GNAS-AS1: variants seen among roughly 807,000 people sequenced by gnomAD.
The protein encoded by GNAS-AS1 is GNAS antisense RNA 1, also known as GNAS antisense RNA 1 (non-protein coding).
chr20:58,842,224 G>A (rs1356420400), exon 4 of GNAS-AS1: 2 of 398,418 alleles, frequency 5.0e-6, no homozygotes, highest in African/African-American at 2.1e-5. Context: ...GTCCTGGGGG[G>A]AAAGACTGAT....
At position 58,841,019 on chromosome 20, in the gene GNAS-AS1, G is replaced by A. The variant is rs2085698652; in HGVS notation, n.819+918C>T. 2.9e-6 allele frequency: 3 copies of A among 1,049,034 alleles called. No homozygotes were observed. Among genetic ancestry groups the A allele is most frequent in the Admixed American group, 4.4e-5 (2 of 45,310 alleles). 65.0% of individuals were successfully genotyped at this position (1,049,034 alleles called of 1,614,324 possible). A position where few individuals can be genotyped will look rare whatever the true frequency, so the allele number is the denominator to read the frequency against. On this transcript the variant is annotated intron_variant and non_coding_transcript_variant, in intron 4 of 4. Transcript: ENST00000424094. The surrounding 1 kb of genome is among the most constrained non-coding windows in gnomAD (Gnocchi z 5.0). The stretch of plus-strand genomic sequence containing the variant: ...AGGCTCAGCTGGTCAGCCTGGGATC[G>A]GGGGTCAGGGTGAGGCGGCGAGGGC...
chr20:58,837,577 G>A (rs1006290196), intron 4 of GNAS-AS1, among the ~76,000 whole-genome samples: 1 of 152,226 alleles, frequency 6.6e-6, no homozygotes, highest in African/African-American at 2.4e-5. Context: ...CGAGTAGCTG[G>A]AACTACAAGC....
At chr20:58,843,996 C>T (rs982459863) in intron 2 of GNAS-AS1, 3 of 152,208 alleles carry the variant, frequency 2.0e-5, no homozygotes, top group Admixed American at 2.0e-4. Context: ...GAGTTGCTTA[C>T]AGCCTTTAAC....
intron 2 of GNAS-AS1, among the ~76,000 whole-genome samples, chr20:58,845,406 A>G (rs76533362): frequency 6.6e-6 from 1 of 152,148 alleles, no homozygotes; most frequent in African/African-American, 2.4e-5. Context: ...TACCATGGAC[A>G]TACAGCTAGA....
chr20:58,823,196 A>G (rs1410907580), intron 4 of GNAS-AS1, among the ~76,000 whole-genome samples: 1 of 152,212 alleles, frequency 6.6e-6, no homozygotes, highest in Non-Finnish European at 1.5e-5. Flanking sequence ...ACATTTAAAA[A>G]TATCTGTCCA....
intron 4 of GNAS-AS1, among the ~76,000 whole-genome samples, chr20:58,837,592 G>A (rs74332546): frequency 0.016 from 2,500 of 152,312 alleles, 34 homozygotes; most frequent in Non-Finnish European, 0.026. Context: ...ACAAGCGTGC[G>A]TCAACACGCC....
chr20:58,825,824 C>G (rs1287943465), intron 4 of GNAS-AS1, among the ~76,000 whole-genome samples: 1 of 152,156 alleles, frequency 6.6e-6, no homozygotes, highest in Non-Finnish European at 1.5e-5. Context: ...GTGGGGCATC[C>G]TAGCCCTGCT....
chr20:58,849,361 C>T (rs183549535), intron 1 of GNAS-AS1, among the ~76,000 whole-genome samples: 2 of 152,296 alleles, frequency 1.3e-5, no homozygotes, highest in Admixed American at 6.5e-5. Context: ...CCTGGACTGT[C>T]TCCCTTTTTC....
rs772141516 is a variant in GNAS-AS1 at position 58,840,737 on chromosome 20, AAGG to A, written n.819+1197_819+1199del. On this transcript the variant is annotated intron_variant and non_coding_transcript_variant, in intron 4 of 4. Coordinates refer to ENST00000424094, the Ensembl canonical transcript of GNAS-AS1. This position sits in a 1 kb window ranked among gnomAD's most constrained non-coding sequence, Gnocchi z 6.0. The stretch of plus-strand genomic sequence containing the variant: ...GGACCCCGAAGAGTCGAAGGAGCCC[AAGG>A]AGGAGAAGCAGCGGCGTCGCTGCAA... The A allele has an allele frequency of 2.2e-5, 35 of 1,605,218 alleles. No homozygotes were observed. In the African/African-American group the frequency reaches 3.3e-4, roughly 15 times the overall value.
intron 2 of GNAS-AS1, among the ~76,000 whole-genome samples, chr20:58,843,650 G>GGGA (rs1008112560): frequency 6.6e-6 from 1 of 152,234 alleles, no homozygotes; most frequent in Non-Finnish European, 1.5e-5. Flanking sequence ...TGGAGGGTGA[G>GGGA]GGAGGAGGAG....
intron 4 of GNAS-AS1, among the ~76,000 whole-genome samples, chr20:58,836,741 G>A (rs937063889): frequency 5.9e-5 from 9 of 152,090 alleles, no homozygotes; most frequent in African/African-American, 2.2e-4. Flanking sequence ...GCTCGACCTC[G>A]GCACTAAGTG....
At position 58,840,441 on chromosome 20, in the gene GNAS-AS1, A is replaced by C. The variant is rs2085673823; in HGVS notation, n.819+1496T>G. The C allele has an allele frequency of 1.9e-6, 3 of 1,613,378 alleles. No homozygotes were observed. The African/African-American group carries it at 4.0e-5, about 22-fold the overall frequency. ...GAGGAAGAGTTCGACTACGAGACCGAGAGCGAGACCGAGTCCGAAATCGAG... is the reference window on the plus strand; with the variant it reads ...GAGGAAGAGTTCGACTACGAGACCGCGAGCGAGACCGAGTCCGAAATCGAG... On this transcript the variant is annotated intron_variant and non_coding_transcript_variant, in intron 4 of 4. Coordinates refer to ENST00000424094, the Ensembl canonical transcript of GNAS-AS1. The surrounding 1 kb of genome is among the most constrained non-coding windows in gnomAD (Gnocchi z 6.0).
chr20:58,820,253 C>G (rs1045668966), intron 4 of GNAS-AS1, among the ~76,000 whole-genome samples: 10 of 152,244 alleles, frequency 6.6e-5, no homozygotes, highest in Admixed American at 6.5e-4. Flanking sequence ...ACTTTCTCAC[C>G]TATCAAGAAA....
In GNAS-AS1 at chr20:58,841,978, A is replaced by T. The variant is rs944979999; in HGVS notation, n.778T>A. On this transcript the variant is annotated non_coding_transcript_exon_variant, in exon 4 of 5. Transcript: ENST00000424094. The surrounding 1 kb of genome is among the most constrained non-coding windows in gnomAD (Gnocchi z 5.0). ...GCGCGGTACGCGCAGAGCTGGGGAAAGGTGTTGGATCCGGCGCCAGTCCTT... is the reference window on the plus strand; with the variant it reads ...GCGCGGTACGCGCAGAGCTGGGGAATGGTGTTGGATCCGGCGCCAGTCCTT... The T allele has an allele frequency of 1.9e-5, 20 of 1,040,552 alleles. No individual in the cohort carries two copies. The highest frequency in any genetic ancestry group is 3.2e-5 in the East Asian group (1 of 30,874). 64.5% of individuals were successfully genotyped at this position (1,040,552 alleles called of 1,614,324 possible).
intron 3 of GNAS-AS1, chr20:58,842,338 G>A (rs1293858810): frequency 1.0e-5 from 4 of 397,776 alleles, no homozygotes; most frequent in African/African-American, 2.1e-5. Flanking sequence ...GGATGACAAC[G>A]ATTTGGAGGA....
intron 1 of GNAS-AS1, among the ~76,000 whole-genome samples, chr20:58,850,106 G>A (rs960619376): frequency 6.6e-6 from 1 of 152,052 alleles, no homozygotes; most frequent in Non-Finnish European, 1.5e-5. Flanking sequence ...TTTGTTCGTG[G>A]TGGGCAAACC....
At chr20:58,838,635 G>C (rs1429108732) in intron 4 of GNAS-AS1, 1 of 183,684 alleles carries the variant, frequency 5.4e-6, no homozygotes, top group African/African-American at 2.3e-5. Context: ...ACCTATCTAG[G>C]AGCCGGGCGC....
At position 58,841,212 on chromosome 20, in the gene GNAS-AS1, A is replaced by C; in HGVS notation, n.819+725T>G. 1.5e-6 allele frequency: 1 copy of C among 651,070 alleles called. No homozygotes were observed. Among genetic ancestry groups the C allele is most frequent in the Non-Finnish European group, 2.1e-6 (1 of 468,070 alleles). 40.3% of individuals were successfully genotyped at this position (651,070 alleles called of 1,614,324 possible). ...CCCCAGATTTGGAGCTGCACACCCA[A>C]ACGGCATTGGTAAGTCACTTGTTTT... On this transcript the variant is annotated intron_variant and non_coding_transcript_variant, in intron 4 of 4. Coordinates refer to ENST00000424094, the Ensembl canonical transcript of GNAS-AS1. The surrounding 1 kb of genome is among the most constrained non-coding windows in gnomAD (Gnocchi z 5.0).
chr20:58,833,088 C>A (rs1600647677), intron 4 of GNAS-AS1, among the ~76,000 whole-genome samples: 1 of 152,264 alleles, frequency 6.6e-6, no homozygotes, highest in Non-Finnish European at 1.5e-5. Context: ...GGGCCATTGG[C>A]TCCCTAAATA....
Sources: gnomAD v4.1 joint callset for allele counts (sites outside exome capture counted in the v4.1 genomes callset) on GRCh38, gnomAD v4.1.1 for gene constraint, Gnocchi (gnomAD v3.1) non-coding constraint, MANE v1.5 for transcripts, NCBI Gene and HGNC (gene_info 2026-07-23, HGNC 2026-07-21) for gene names.